Variants in EBF2 observed in about 807,000 individuals in gnomAD.
The protein encoded by EBF2 is EBF transcription factor 2.
In EBF2, 21 loss-of-function variants were observed where a neutral mutation model predicts 72.8. The ratio of observed to expected loss-of-function variants is 0.29; its 90% CI spans 0.20 to 0.42. The LOEUF is 0.42. Ranked by LOEUF, EBF2 falls within the 10% of genes least tolerant of loss-of-function variation. The pLI is 1.00. For synonymous variants in EBF2, 299 were observed against 274.2 expected (o/e 1.09, Z -0.89); for missense variants, 637 against 731.2 (o/e 0.87, Z 1.49).
At chr8:25,943,710 G>C (rs1803717750) in intron 6 of EBF2, among the ~76,000 whole-genome samples, 1 of 152,116 alleles carries the variant, frequency 6.6e-6, no homozygotes, top group African/African-American at 2.4e-5. Flanking sequence ...GGCAACTGTG[G>C]AGGTTAGCTG....
intron 6 of EBF2, among the ~76,000 whole-genome samples, chr8:25,945,310 G>C (rs1011900251): frequency 1.8e-4 from 28 of 151,964 alleles, no homozygotes; most frequent in Admixed American, 1.6e-3. Flanking sequence ...TATTTATATA[G>C]TACTATAGTT....
chr8:25,918,787 G>T (rs1388275477), intron 6 of EBF2, among the ~76,000 whole-genome samples: 6 of 152,168 alleles, frequency 3.9e-5, no homozygotes, highest in Non-Finnish European at 5.9e-5. Context: ...AGAGGATGGG[G>T]TCTAATTCTC....
intron 6 of EBF2, among the ~76,000 whole-genome samples, chr8:26,014,653 G>A (rs1805079174): frequency 6.6e-6 from 1 of 152,208 alleles, no homozygotes; most frequent in South Asian, 2.1e-4. Context: ...AGAGGACCTT[G>A]TCATGATCCC....
At chr8:25,888,090 G>T in intron 8 of EBF2, 118 bp from the exon 9 acceptor site, 1 of 1,156,698 alleles carries the variant, frequency 8.6e-7, no homozygotes, top group Non-Finnish European at 1.2e-6. Context: ...ATACACTAAT[G>T]CTAACGATAA....
intron 8 of EBF2, among the ~76,000 whole-genome samples, 175 bp downstream of exon 8, chr8:25,889,577 G>C (rs1165601325): frequency 6.6e-6 from 1 of 151,954 alleles, no homozygotes; most frequent in Non-Finnish European, 1.5e-5. Flanking sequence ...AGACGTGTGG[G>C]CCTTACAGTG....
chr8:25,945,247 A>T (rs193132719), intron 6 of EBF2, among the ~76,000 whole-genome samples: 5 of 151,990 alleles, frequency 3.3e-5, no homozygotes, highest in African/African-American at 7.2e-5. Flanking sequence ...TGAACTCAAT[A>T]CCTGTATTTT....
At chr8:26,006,931 A>G (rs1804892696) in intron 6 of EBF2, among the ~76,000 whole-genome samples, 3 of 152,232 alleles carry the variant, frequency 2.0e-5, no homozygotes, top group Admixed American at 2.0e-4. Context: ...GACCATATTT[A>G]CATTTTCACC....
Position 25,862,745 on chromosome 8 carries a change from G to A in EBF2, c.1062C>T (p.Ile354=), listed in dbSNP as rs1802232816. ...TCTCAGGATCTCCAGGATGCCTAGG[G>A]ATGACCTTCTGCAGTCTCTGGAAGC... ...DYGFQRLQKV[I]PRHPGDPERL... Residue 354 remains isoleucine (I), a synonymous_variant, in exon 11 of 16, where the codon ATC becomes ATT. Coordinates refer to ENST00000520164, the MANE Select transcript of EBF2 (RefSeq NM_022659.4). 2 of 1,604,594 alleles carry A rather than the reference G, an allele frequency of 1.2e-6. No homozygotes were observed. Among genetic ancestry groups the A allele is most frequent in the Admixed American group, 1.7e-5 (1 of 58,736 alleles).
intron 6 of EBF2, among the ~76,000 whole-genome samples, chr8:25,916,058 G>C (rs936184150): frequency 6.6e-6 from 1 of 152,080 alleles, no homozygotes; most frequent in African/African-American, 2.4e-5. Flanking sequence ...GGCCGAGGCA[G>C]TCTGATCACT....
intron 10 of EBF2, among the ~76,000 whole-genome samples, chr8:25,870,053 G>A (rs1252060070): frequency 6.6e-6 from 1 of 152,026 alleles, no homozygotes; most frequent in African/African-American, 2.4e-5. Context: ...GCAAGAGCAT[G>A]ATGGGCATCC....
At chr8:25,891,237 A>G (rs1016974108) in intron 7 of EBF2, among the ~76,000 whole-genome samples, 6 of 152,192 alleles carry the variant, frequency 3.9e-5, no homozygotes, top group Non-Finnish European at 7.3e-5. Context: ...AGAGGTGGAT[A>G]TCAGCAAAGG....
intron 7 of EBF2, among the ~76,000 whole-genome samples, chr8:25,897,834 T>C (rs1802883887): frequency 1.3e-5 from 2 of 152,252 alleles, no homozygotes; most frequent in Non-Finnish European, 2.9e-5. Flanking sequence ...CAAATGTGCA[T>C]GTCTTTCGGG....
chr8:25,878,835 G>A (rs1397022184), intron 10 of EBF2, among the ~76,000 whole-genome samples: 4 of 152,020 alleles, frequency 2.6e-5, no homozygotes, highest in South Asian at 2.1e-4. Flanking sequence ...TCCTCACTCC[G>A]ACTGCCCCCG....
At chr8:26,017,269 A>G (rs1805126768) in intron 6 of EBF2, among the ~76,000 whole-genome samples, 1 of 152,146 alleles carries the variant, frequency 6.6e-6, no homozygotes, top group African/African-American at 2.4e-5. Context: ...CTAAATACCC[A>G]AAAGACCCCA....
Position 25,887,834 on chromosome 8 carries a change from C to T in EBF2, c.882+8G>A. The T allele has an allele frequency of 6.3e-7, 1 of 1,589,250 alleles. No homozygotes were observed. The highest frequency in any genetic ancestry group is 8.6e-7 in the Non-Finnish European group (1 of 1,168,954). On this transcript the variant is annotated splice_region_variant and intron_variant, in intron 9 of 15. Coordinates refer to ENST00000520164, the MANE Select transcript of EBF2 (RefSeq NM_022659.4). ...GGAAATCAGAGTAAGCCTGTTGCCT[C>T]TGCTTACCTCGCTCCATACAAGCAT... is the stretch of plus-strand genomic sequence containing the variant.
Position 25,889,853 on chromosome 8 carries a change from G to A in EBF2, c.650C>T (p.Thr217Met), listed in dbSNP as rs1243906122. The part of the protein sequence containing the change: ...MRRFQVVLST[T>M]VNVDGHVLAV... ...CAGGACGTGTCCATCCACATTCACCGTTGTTGACAACACAACCTGCATATT... is the reference window on the plus strand; with the variant it reads ...CAGGACGTGTCCATCCACATTCACCATTGTTGACAACACAACCTGCATATT... Residue 217 changes from threonine (T) to methionine (M), a missense_variant, in exon 8 of 16, where the codon ACG becomes ATG. Thr to Met is a moderately conservative substitution (Grantham distance 81). Coordinates refer to ENST00000520164, the MANE Select transcript of EBF2 (RefSeq NM_022659.4). 11 of 1,613,674 alleles carry A rather than the reference G, an allele frequency of 6.8e-6. No homozygotes were observed. Among genetic ancestry groups the A allele is most frequent in the South Asian group, 2.2e-5 (2 of 91,084 alleles).
chr8:26,031,426 C>CTTTTTTTTTTTTTTTT (rs138023531), intron 6 of EBF2: 1 of 82,052 alleles, frequency 1.2e-5, no homozygotes, highest in African/African-American at 4.9e-5. Flanking sequence ...TTTTCTTTTT[C>CTTTTTTTTTTTTTTTT]TTTTTTTTTT....
intron 6 of EBF2, among the ~76,000 whole-genome samples, chr8:25,984,555 G>A (rs752507585): frequency 2.0e-4 from 30 of 152,096 alleles, no homozygotes; most frequent in Non-Finnish European, 1.6e-4. Context: ...GGTGGCGCAC[G>A]CCTGCAGTTC....
chr8:25,908,834 A>G lies in EBF2; in HGVS notation c.552-279T>C, dbSNP rs1026510710. ...GTACACTGGCCCCCGGAGTTTGTAG[A>G]GCACTCGTTCTGGAAAATTTTTTTA... On this transcript the variant is annotated intron_variant, in intron 6 of 15. Coordinates refer to ENST00000520164, the MANE Select transcript of EBF2 (RefSeq NM_022659.4). Among the ~76,000 whole-genome samples, 4 of 152,200 alleles carry G rather than the reference A, an allele frequency of 2.6e-5. No individual in the cohort carries two copies. The East Asian group carries it at 7.7e-4, about 29-fold the overall frequency.
Sources: allele counts gnomAD v4.1 joint callset (sites outside exome capture counted in the v4.1 genomes callset), GRCh38; gene constraint gnomAD v4.1.1; transcripts MANE v1.5; gene names NCBI Gene and HGNC (gene_info 2026-07-23, HGNC 2026-07-21).